Variants in TENM4 observed in about 807,000 individuals in gnomAD.
The protein encoded by TENM4 is teneurin-4.
A neutral mutation model predicts 243.3 loss-of-function variants in TENM4; 82 were observed. The ratio of observed to expected loss-of-function variants is 0.34; its 90% confidence interval spans 0.28 to 0.40. The LOEUF (loss-of-function observed/expected upper bound fraction) is 0.40, where lower values mean the gene tolerates loss of function less well. TENM4 is among the 10% of genes least tolerant of loss of function. The pLI is 1.00. For missense variants in TENM4, 3,138 were observed against 3,673.3 expected, an observed-to-expected ratio of 0.85 and a Z score of 3.77; for synonymous variants, 1,412 against 1,456.3, an observed-to-expected ratio of 0.97 and a Z score of 0.69.
intron 6 of TENM4, among the ~76,000 whole-genome samples, chr11:79,034,821 A>G (rs1178708963): frequency 6.6e-6 from 1 of 152,104 alleles, no homozygotes; most frequent in African/African-American, 2.4e-5. Context: ...AAGGGTCTCA[A>G]ACTTACCTGG....
chr11:78,739,337 C>G (rs1855870051), intron 19 of TENM4, among the ~76,000 whole-genome samples: 1 of 152,144 alleles, frequency 6.6e-6, no homozygotes, highest in Admixed American at 6.5e-5. Context: ...AACTATTTCA[C>G]CCTTGAAGAG....
At chr11:78,715,560 G>A (rs1308501661) in intron 25 of TENM4, among the ~76,000 whole-genome samples, 1 of 152,174 alleles carries the variant, frequency 6.6e-6, no homozygotes, top group African/African-American at 2.4e-5. Flanking sequence ...GAGTCCGTAA[G>A]AGCTGTGGCT....
intron 1 of TENM4, among the ~76,000 whole-genome samples, chr11:79,408,653 T>C (rs967336116): frequency 6.6e-6 from 1 of 152,244 alleles, no homozygotes; most frequent in Non-Finnish European, 1.5e-5. Context: ...ACTACATGCT[T>C]TATTGGAGAT....
In TENM4 at chr11:78,760,917, A is replaced by G. The variant is rs115831170; in HGVS notation, c.2540-3896T>C. 4.7e-3 allele frequency among the ~76,000 whole-genome samples: 718 copies of G among 152,252 alleles called. 4 individuals are homozygous for G. Among genetic ancestry groups the G allele is most frequent in the African/African-American group, 0.016 (661 of 41,542 alleles). On this transcript the variant is annotated intron_variant, in intron 18 of 33. Coordinates refer to ENST00000278550, the MANE Select transcript of TENM4 (RefSeq NM_001098816.3). ...TGTTTAATTTGTTCTTCGGGTCATA[A>G]ATTATCTTACTTTAAAATTTCTGAA...
At chr11:79,229,568 G>A (rs1018395206) in intron 2 of TENM4, among the ~76,000 whole-genome samples, 1 of 152,108 alleles carries the variant, frequency 6.6e-6, no homozygotes, top group African/African-American at 2.4e-5. Context: ...AAATGTAATT[G>A]AACCCTGTCT....
At chr11:79,100,821 G>A (rs1861211984) in intron 4 of TENM4, among the ~76,000 whole-genome samples, 1 of 152,120 alleles carries the variant, frequency 6.6e-6, no homozygotes, top group Admixed American at 6.5e-5. Context: ...TGGACAAAAG[G>A]TATTTAGCAG....
chr11:79,139,592 GAAA>G lies in TENM4; in HGVS notation c.-66+9115_-66+9117del, dbSNP rs1862223678. Among the ~76,000 whole-genome samples, 8 of 20,284 alleles carry G rather than the reference GAAA, an allele frequency of 3.9e-4. 2 individuals are homozygous for G. Among genetic ancestry groups the G allele is most frequent in the Non-Finnish European group, 6.0e-4 (8 of 13,418 alleles). The allele number at this position is 20,284 out of a possible 152,430, so 13.3% of individuals were successfully genotyped here. A position where few individuals can be genotyped will look rare whatever the true frequency, so the allele number is the denominator to read the frequency against. On this transcript the variant is annotated intron_variant, in intron 4 of 33. Transcript: ENST00000278550. ...ATATAAAATATATATTATATTTCTA[GAAA>G]TATATAAAATATATATTATATTTAT... is the stretch of plus-strand genomic sequence containing the variant.
intron 3 of TENM4, among the ~76,000 whole-genome samples, chr11:79,155,686 C>G (rs902055031): frequency 3.1e-4 from 42 of 133,938 alleles, no homozygotes; most frequent in Non-Finnish European, 6.3e-4. Flanking sequence ...TTCCCTCCCT[C>G]TCCCCCTCCC....
At chr11:79,112,273 TG>T (rs1861524847) in intron 4 of TENM4, among the ~76,000 whole-genome samples, 1 of 152,232 alleles carries the variant, frequency 6.6e-6, no homozygotes, top group African/African-American at 2.4e-5. Context: ...TGTTAAGCTC[TG>T]AGATGTAAAG....
chr11:78,882,811 G>A (rs1308345638), intron 9 of TENM4, among the ~76,000 whole-genome samples: 1 of 152,164 alleles, frequency 6.6e-6, no homozygotes, highest in African/African-American at 2.4e-5. Context: ...TAAGCATTAA[G>A]CTTAGCAACA....
chr11:79,140,688 A>C (rs932944870), intron 4 of TENM4, among the ~76,000 whole-genome samples: 2 of 152,126 alleles, frequency 1.3e-5, no homozygotes, highest in Admixed American at 1.3e-4. Context: ...TAATAAAATA[A>C]AAGCACCAAG....
chr11:79,105,395 A>G (rs2137089008), intron 4 of TENM4, among the ~76,000 whole-genome samples: 1 of 152,324 alleles, frequency 6.6e-6, no homozygotes, highest in South Asian at 2.1e-4. Flanking sequence ...CTGACTTCTC[A>G]TCCTCTAGAG....
At chr11:79,355,827 C>A (rs1242030342) in intron 1 of TENM4, among the ~76,000 whole-genome samples, 3 of 152,186 alleles carry the variant, frequency 2.0e-5, no homozygotes, top group Admixed American at 2.0e-4. Flanking sequence ...AGCTGCAGCT[C>A]ACACTGACAC....
chr11:78,813,859 A>C (rs1163640638), intron 13 of TENM4, among the ~76,000 whole-genome samples: 3 of 152,220 alleles, frequency 2.0e-5, no homozygotes, highest in African/African-American at 7.2e-5. Flanking sequence ...GTGCTGTTAG[A>C]AAGTAGCAAC....
chr11:78,981,915 TCA>T (rs1201096357), intron 6 of TENM4, among the ~76,000 whole-genome samples: 1 of 152,010 alleles, frequency 6.6e-6, no homozygotes, highest in Non-Finnish European at 1.5e-5. Context: ...AACACCCAGC[TCA>T]GTTTTTTGGT....
intron 14 of TENM4, 116 bp from the exon 15 acceptor site, chr11:78,805,608 T>C (rs946719574): frequency 1.6e-6 from 2 of 1,244,638 alleles, no homozygotes; most frequent in Non-Finnish European, 2.3e-6. Flanking sequence ...GGCAGAAGGA[T>C]GCATAGGTCA....
intron 1 of TENM4, among the ~76,000 whole-genome samples, chr11:79,319,352 C>T (rs377037205): frequency 5.9e-5 from 9 of 152,046 alleles, no homozygotes; most frequent in African/African-American, 2.2e-4. Flanking sequence ...TTACAGGTTT[C>T]GGAAAAGGAA....
At chr11:79,083,538 G>A (rs1860730467) in intron 4 of TENM4, among the ~76,000 whole-genome samples, 2 of 152,192 alleles carry the variant, frequency 1.3e-5, no homozygotes, top group South Asian at 4.1e-4. Context: ...GAGTCCACGT[G>A]GATAGCAGCC....
At chr11:78,923,224 C>A (rs12282832) in intron 6 of TENM4, among the ~76,000 whole-genome samples, 5,493 of 152,222 alleles carry the variant, frequency 0.036, 348 homozygotes, top group African/African-American at 0.13. Flanking sequence ...CTGTCACTAT[C>A]TTGAAATTCT....
Sources: allele counts gnomAD v4.1 joint callset (sites outside exome capture counted in the v4.1 genomes callset), GRCh38; gene constraint gnomAD v4.1.1; transcripts MANE v1.5; gene names NCBI Gene and HGNC (gene_info 2026-07-23, HGNC 2026-07-21).